The following KCTD2 variants were observed in gnomAD, a reference collection of about 807,000 sequenced individuals.
KCTD2 encodes the protein potassium channel tetramerization domain containing 2.
In KCTD2, 18 loss-of-function variants were observed where a neutral mutation model predicts 27.9. That is an observed-to-expected ratio of 0.64 (90% CI 0.45 to 0.96). The LOEUF is 0.96. Ranked by LOEUF, KCTD2 falls within the 40% of genes least tolerant of loss-of-function variation. The probability of loss-of-function intolerance (pLI) is 0.00; values close to 1 mark genes in which losing one functional copy is unlikely to be tolerated. For missense variants in KCTD2, 280 were observed against 348.0 expected (o/e 0.80, Z 1.56); for synonymous variants, 175 against 148.4 (o/e 1.18, Z -1.30).
At chr17:75,042,130 CT>C in intron 3 of KCTD2, 1 of 1,504,270 alleles carries the variant, frequency 6.6e-7, no homozygotes, top group Non-Finnish European at 9.2e-7. Context: ...TTCCTGCTCC[CT>C]ACCCACAGGC....
At chr17:75,037,339 A>G (rs541451531) in intron 3 of KCTD2, among the ~76,000 whole-genome samples, 155 of 139,698 alleles carry the variant, frequency 1.1e-3, no homozygotes, top group African/African-American at 4.5e-3. Context: ...GCAAGATTCC[A>G]TATCAGAAAA....
chr17:75,049,986 C>T (rs570425522), intron 2 of KCTD2, among the ~76,000 whole-genome samples: 4 of 152,346 alleles, frequency 2.6e-5, no homozygotes, highest in Admixed American at 6.5e-5. Flanking sequence ...GGAGCTTTGG[C>T]TCTGAGTAAG....
At position 75,053,032 on chromosome 17, in the gene KCTD2, A is replaced by G. The variant is rs752783118; in HGVS notation, c.467A>G (p.Glu156Gly). The change falls in exon 3 of 6, where the codon GAG becomes GGG. Residue 156 changes from glutamate to glycine, a missense_variant. Coordinates refer to ENST00000322444, the MANE Select transcript of KCTD2 (RefSeq NM_015353.3). Reference protein sequence around the residue: ...LAEEGVLEEAEFYNIASLVRL... With the variant: ...LAEEGVLEEAGFYNIASLVRL... ...GTTCCAGGTGTGCTGGAGGAAGCGG[A>G]GTTTTACAACATCGCGTCCCTTGTG... 4 of 1,614,138 alleles carry G rather than the reference A, an allele frequency of 2.5e-6. No individual in the cohort carries two copies.
chr17:75,043,082 C>T (rs1007047546), upstream of KCTD2, among the ~76,000 whole-genome samples: 2 of 151,522 alleles, frequency 1.3e-5, no homozygotes, highest in Non-Finnish European at 1.5e-5. Context: ...ATTAGCCAGC[C>T]GTGGTGGCCC....
intron 3 of KCTD2, among the ~76,000 whole-genome samples, chr17:75,056,139 T>C (rs1293911185): frequency 6.6e-6 from 1 of 152,222 alleles, no homozygotes; most frequent in African/African-American, 2.4e-5. Context: ...TTTGCAAAAG[T>C]GAAGAGAAGG....
intron 3 of KCTD2, among the ~76,000 whole-genome samples, chr17:75,056,420 A>G (rs2073351072): frequency 6.6e-6 from 1 of 152,254 alleles, no homozygotes. Context: ...TGAATTATGT[A>G]ATTTGAAATG....
intron 4 of KCTD2, chr17:75,060,674 C>T (rs958660369): frequency 4.8e-6 from 7 of 1,460,962 alleles, no homozygotes; most frequent in Admixed American, 2.3e-5. Flanking sequence ...CGTGCGAGGG[C>T]GGGTCAGGCT....
chr17:75,062,297 C>A lies in KCTD2; in HGVS notation c.762+52C>A, dbSNP rs567351443. On this transcript the variant is annotated intron_variant, in intron 5 of 5. Transcript: ENST00000322444. ...GCCTCTGGCTTGCTTGTTCGCACCC[C>A]CTCCGTGGGCTTTTCCTGAACTCTT... 3.9e-6 allele frequency: 6 copies of A among 1,555,950 alleles called. No individual in the cohort carries two copies. In the South Asian group the frequency reaches 4.9e-5, roughly 13 times the overall value.
intron 1 of KCTD2, among the ~76,000 whole-genome samples, chr17:75,033,322 T>C (rs1458103069): frequency 6.6e-6 from 1 of 152,034 alleles, no homozygotes; most frequent in African/African-American, 2.4e-5. Context: ...CATTTTAAAA[T>C]GTGCTTATTC....
At chr17:75,035,025 C>A (rs1188278182) in intron 2 of KCTD2, among the ~76,000 whole-genome samples, 1 of 152,080 alleles carries the variant, frequency 6.6e-6, no homozygotes, top group Non-Finnish European at 1.5e-5. Context: ...GCTCAACAGG[C>A]GGCCAGGGTG....
intron 1 of KCTD2, 152 bp from the exon 2 acceptor site, chr17:75,049,068 G>A (rs1183025138): frequency 1.3e-5 from 7 of 537,728 alleles, no homozygotes; most frequent in Non-Finnish European, 2.4e-5. Flanking sequence ...TGTGACAAAT[G>A]TGTAACAAAA....
At chr17:75,038,177 G>A (rs62086352) in intron 3 of KCTD2, among the ~76,000 whole-genome samples, 152,106 of 152,106 alleles carry the variant, frequency 1, 76,053 homozygotes, top group Non-Finnish European at 1. Context: ...CTGGAGTGCA[G>A]TGGCACGATC....
intron 3 of KCTD2, chr17:75,035,368 C>A (rs577156282): frequency 6.6e-6 from 1 of 152,242 alleles, no homozygotes; most frequent in East Asian, 1.9e-4. Flanking sequence ...GTAAGTAGGG[C>A]CCCATTTCTT....
chr17:75,051,155 A>G (rs1373453374), intron 2 of KCTD2, among the ~76,000 whole-genome samples: 1 of 149,976 alleles, frequency 6.7e-6, no homozygotes, highest in East Asian at 2.0e-4. Context: ...TTGTATTTTT[A>G]GTAGAGACAG....
intron 2 of KCTD2, among the ~76,000 whole-genome samples, chr17:75,052,114 A>T: frequency 6.6e-6 from 1 of 152,020 alleles, no homozygotes; most frequent in East Asian, 1.9e-4. Context: ...GACATATGGG[A>T]AAAGTGTCCT....
Position 75,053,028 on chromosome 17 carries a change from G to T in KCTD2, c.463G>T (p.Ala155Ser). Reference protein sequence around the residue: ...ELAEEGVLEEAEFYNIASLVR... With the variant: ...ELAEEGVLEESEFYNIASLVR... ...CCTTGTTCCAGGTGTGCTGGAGGAA[G>T]CGGAGTTTTACAACATCGCGTCCCT... The change falls in exon 3 of 6, where the codon GCG becomes TCG. Residue 155 changes from alanine (A) to serine (S), a missense_variant. Transcript: ENST00000322444. 1 of 1,614,164 alleles carries T rather than the reference G, an allele frequency of 6.2e-7. No individual in the cohort carries two copies. The highest frequency in any genetic ancestry group is 8.5e-7 in the Non-Finnish European group (1 of 1,179,972).
intron 3 of KCTD2, among the ~76,000 whole-genome samples, chr17:75,054,071 G>T (rs978654158): frequency 2.2e-4 from 34 of 152,010 alleles, no homozygotes; most frequent in African/African-American, 7.7e-4. Context: ...AGGTTGGAGT[G>T]CAGTGGCGTG....
intron 5 of KCTD2, 147 bp downstream of exon 5, chr17:75,062,392 G>A (rs2073413280): frequency 1.3e-6 from 1 of 755,254 alleles, no homozygotes; most frequent in Non-Finnish European, 2.0e-6. Context: ...ATTTTTGACT[G>A]TTGTAATTTA....
chr17:75,057,527 A>C (rs2073361503), intron 3 of KCTD2, among the ~76,000 whole-genome samples: 1 of 150,774 alleles, frequency 6.6e-6, no homozygotes, highest in South Asian at 2.1e-4. Context: ...TGAAATCCTT[A>C]GTACTTTGGT....
Sources: allele counts gnomAD v4.1 joint callset (sites outside exome capture counted in the v4.1 genomes callset), GRCh38; gene constraint gnomAD v4.1.1; transcripts MANE v1.5; gene names NCBI Gene and HGNC (gene_info 2026-07-23, HGNC 2026-07-21).